MPDZ: variants seen among roughly 807,000 people sequenced by gnomAD.
The protein encoded by MPDZ is multiple PDZ domain protein.
In MPDZ, 234 loss-of-function variants were observed where a neutral mutation model predicts 239.1. The ratio of observed to expected loss-of-function variants is 0.98; its 90% CI spans 0.88 to 1.09. The LOEUF (loss-of-function observed/expected upper bound fraction) is 1.09, where lower values mean the gene tolerates loss of function less well. Ranked by LOEUF, MPDZ falls within the 50% of genes least tolerant of loss-of-function variation. The pLI, the probability that MPDZ is intolerant of heterozygous loss-of-function variation, is 0.00. For synonymous variants in MPDZ, 1,048 were observed against 881.3 expected (o/e 1.19, Z -3.35); for missense variants, 3,175 against 2,510.0 (o/e 1.26, Z -5.66).
chr9:13,242,902 C>T (rs990788850), intron 3 of MPDZ, among the ~76,000 whole-genome samples: 1 of 152,138 alleles, frequency 6.6e-6, no homozygotes, highest in Non-Finnish European at 1.5e-5. Flanking sequence ...TAGCAGCTCC[C>T]GTATCTTCCA....
intron 1 of MPDZ, among the ~76,000 whole-genome samples, chr9:13,263,539 G>A (rs371924757): frequency 1.3e-5 from 2 of 152,026 alleles, no homozygotes; most frequent in South Asian, 4.1e-4. Context: ...GAAATATTAT[G>A]AAAACATTTC....
chr9:13,203,844 C>T (rs980743221), intron 12 of MPDZ, among the ~76,000 whole-genome samples: 2 of 151,756 alleles, frequency 1.3e-5, no homozygotes, highest in African/African-American at 2.4e-5. Context: ...GATGGTTCTG[C>T]GCCTTGGAGA....
chr9:13,172,633 C>G (rs992598201), intron 21 of MPDZ, among the ~76,000 whole-genome samples: 1 of 152,100 alleles, frequency 6.6e-6, no homozygotes, highest in Non-Finnish European at 1.5e-5. Flanking sequence ...GTGATCCACT[C>G]GCCTTAGCCT....
At chr9:13,260,245 T>C (rs1199151978) in intron 1 of MPDZ, among the ~76,000 whole-genome samples, 5 of 151,890 alleles carry the variant, frequency 3.3e-5, no homozygotes, top group South Asian at 2.1e-4. Context: ...AGAGAAGCTA[T>C]GGATAAAGAA....
intron 39 of MPDZ, among the ~76,000 whole-genome samples, chr9:13,116,009 G>T (rs1159236685): frequency 6.8e-6 from 1 of 147,036 alleles, no homozygotes; most frequent in African/African-American, 2.5e-5. Context: ...CACCACCTCA[G>T]CAACTTGTTT....
At chr9:13,221,529 T>A (rs373301914) in intron 6 of MPDZ, 29 bp from the exon 7 acceptor site, 1 of 1,598,394 alleles carries the variant, frequency 6.3e-7, no homozygotes. Flanking sequence ...TATGAATTTG[T>A]AGAAATTTAC....
chr9:13,143,930 C>T (rs536159183), intron 26 of MPDZ, among the ~76,000 whole-genome samples: 1 of 152,046 alleles, frequency 6.6e-6, no homozygotes, highest in South Asian at 2.1e-4. Context: ...AAAATTAAAA[C>T]CACAAAATTT....
chr9:13,144,513 C>T (rs958938943), intron 26 of MPDZ, among the ~76,000 whole-genome samples: 1 of 151,974 alleles, frequency 6.6e-6, no homozygotes, highest in African/African-American at 2.4e-5. Context: ...GGGGAAATTG[C>T]AGACATTTAA....
chr9:13,272,700 TAAAAA>T (rs539786957), intron 1 of MPDZ, among the ~76,000 whole-genome samples: 1 of 78,584 alleles, frequency 1.3e-5, no homozygotes, highest in African/African-American at 4.9e-5. Flanking sequence ...CTGTTCCTAC[TAAAAA>T]AAAAAAAAAA....
intron 3 of MPDZ, among the ~76,000 whole-genome samples, chr9:13,233,739 G>C (rs1373876607): frequency 2.0e-5 from 3 of 152,142 alleles, no homozygotes; most frequent in African/African-American, 7.2e-5. Flanking sequence ...CTTAAAGAAG[G>C]CAAGTAGTAG....
At chr9:13,121,387 G>C (rs987742950) in intron 38 of MPDZ, among the ~76,000 whole-genome samples, 3 of 152,106 alleles carry the variant, frequency 2.0e-5, no homozygotes, top group Non-Finnish European at 2.9e-5. Context: ...AGATTCCTTT[G>C]TTGCAAGAAT....
At chr9:13,170,403 A>T (rs1286628416) in intron 21 of MPDZ, among the ~76,000 whole-genome samples, 1 of 152,102 alleles carries the variant, frequency 6.6e-6, no homozygotes, top group East Asian at 1.9e-4. Flanking sequence ...TTCTGTTAAG[A>T]CTCATACTAA....
intron 10 of MPDZ, among the ~76,000 whole-genome samples, chr9:13,211,344 T>A (rs1335285202): frequency 6.6e-6 from 1 of 152,090 alleles, no homozygotes; most frequent in Non-Finnish European, 1.5e-5. Flanking sequence ...ATAAATCCTC[T>A]TTGTCCAACA....
intron 38 of MPDZ, 77 bp downstream of exon 38, chr9:13,121,662 T>C: frequency 1.4e-6 from 2 of 1,457,590 alleles, no homozygotes; most frequent in South Asian, 2.3e-5. Context: ...AAGATTCACC[T>C]ACTGCTATTA....
At chr9:13,136,266 G>C in intron 30 of MPDZ, 84 bp from the exon 31 acceptor site, 2 of 645,622 alleles carry the variant, frequency 3.1e-6, no homozygotes, top group Non-Finnish European at 4.5e-6. Context: ...GGTTATTAGA[G>C]AAAATTATTT....
chr9:13,167,987 T>C (rs1951291964), intron 22 of MPDZ, among the ~76,000 whole-genome samples: 1 of 152,088 alleles, frequency 6.6e-6, no homozygotes, highest in African/African-American at 2.4e-5. Flanking sequence ...AGTTCTAGGA[T>C]TCACACAGGT....
intron 13 of MPDZ, 92 bp downstream of exon 13, chr9:13,196,029 T>C: frequency 2.5e-6 from 2 of 798,958 alleles, no homozygotes; most frequent in Non-Finnish European, 3.9e-6. Flanking sequence ...GATTCTTCTC[T>C]GGAACTCTAA....
At chr9:13,245,578 C>T (rs552361506) in intron 3 of MPDZ, among the ~76,000 whole-genome samples, 7 of 152,254 alleles carry the variant, frequency 4.6e-5, no homozygotes, top group African/African-American at 1.7e-4. Flanking sequence ...TAGTTTTCCC[C>T]TGTATATGAA....
intron 3 of MPDZ, among the ~76,000 whole-genome samples, chr9:13,233,771 C>G (rs1165174216): frequency 6.6e-6 from 1 of 152,178 alleles, no homozygotes; most frequent in Non-Finnish European, 1.5e-5. Flanking sequence ...ATACATAAAG[C>G]TACACCTTGT....
Sources: gnomAD v4.1 joint callset for allele counts (sites outside exome capture counted in the v4.1 genomes callset) on GRCh38, gnomAD v4.1.1 for gene constraint, MANE v1.5 for transcripts, NCBI Gene and HGNC (gene_info 2026-07-23, HGNC 2026-07-21) for gene names.